Variants in BRWD3 observed in about 807,000 individuals in gnomAD.
The protein encoded by BRWD3 is bromodomain and WD repeat-containing protein 3.
Under a neutral mutation model 149.7 loss-of-function variants are expected in BRWD3, and 10 were observed. The ratio of observed to expected loss-of-function variants is 0.07; its 90% CI spans 0.04 to 0.11. The LOEUF is 0.11. Ranked by LOEUF, BRWD3 falls within the 10% of genes least tolerant of loss-of-function variation. The probability of loss-of-function intolerance (pLI) is 1.00; values close to 1 mark genes in which losing one functional copy is unlikely to be tolerated. For synonymous variants in BRWD3, 504 were observed against 456.7 expected (o/e 1.10, Z -1.32); for missense variants, 940 against 1,373.2 (o/e 0.68, Z 4.99).
Position 80,696,851 on chromosome X carries a change from C to A in BRWD3, c.2956G>T (p.Val986Phe). 1 of 1,199,254 alleles carries A rather than the reference C, an allele frequency of 8.3e-7. No homozygotes were observed. The highest frequency in any genetic ancestry group is 1.1e-6 in the Non-Finnish European group (1 of 884,540). ...NKMDLREQEF[V>F]KIVGIKYEVG... ...TCATATTTGATTCCTACAATCTTAACAAACTCTTGCTCCTATTCATGAGAA... is the reference window on the plus strand; with the variant it reads ...TCATATTTGATTCCTACAATCTTAAAAAACTCTTGCTCCTATTCATGAGAA... Residue 986 changes from valine to phenylalanine, a missense_variant, in exon 26 of 41, where the codon GTT becomes TTT. Coordinates refer to ENST00000373275, the MANE Select transcript of BRWD3 (RefSeq NM_153252.5).
At chrX:80,703,267 T>A (rs758813360) in intron 24 of BRWD3, among the ~76,000 whole-genome samples, 5 of 111,179 alleles carry the variant, frequency 4.5e-5, no homozygotes, top group African/African-American at 1.6e-4. Flanking sequence ...TCAATGAGCA[T>A]CTAATAGACT....
intron 27 of BRWD3, among the ~76,000 whole-genome samples, chrX:80,693,269 A>G (rs753418781): frequency 1.8e-5 from 2 of 112,151 alleles, no homozygotes; most frequent in Non-Finnish European, 3.8e-5. Flanking sequence ...ATTACATATG[A>G]CCACATCTTA....
At chrX:80,729,878 T>C (rs1177699426) in intron 13 of BRWD3, 38 bp downstream of exon 13, 1 of 903,681 alleles carries the variant, frequency 1.1e-6, no homozygotes, top group East Asian at 3.1e-5. Flanking sequence ...GTAAAATATA[T>C]CATGAGAACC....
Position 80,809,735 on chromosome X carries a change from GAAGAGA to G in BRWD3, c.-270_-265del, listed in dbSNP as rs1491000053. On this transcript the variant is annotated 5_prime_UTR_variant, in exon 1 of 41. Coordinates refer to ENST00000373275, the MANE Select transcript of BRWD3 (RefSeq NM_153252.5). Reference sequence around the variant, plus strand: ...AGTGAGTGAGTGAGAGAGAGAGAGAGAAGAGAGAGAGAGAGAGAGGAAAAAGAGAGA... The same window carrying G: ...AGTGAGTGAGTGAGAGAGAGAGAGAGGAGAGAGAGAGAGGAAAAAGAGAGA... 9.9e-5 allele frequency: 10 copies of G among 101,260 alleles called. No individual in the cohort carries two copies. The highest frequency in any genetic ancestry group is 4.9e-4 in the African/African-American group (10 of 20,332). The allele number at this position is 101,260 out of a possible 1,213,427, so 8.3% of individuals were successfully genotyped here.
intron 14 of BRWD3, 26 bp from the exon 15 acceptor site, chrX:80,725,093 T>C: frequency 8.3e-7 from 1 of 1,199,777 alleles, no homozygotes; most frequent in Non-Finnish European, 1.1e-6. Context: ...GTATTAACAA[T>C]GAAAGCAACA....
rs1340627104 is a variant in BRWD3, at chrX:80,713,191, A to G, written c.2325+2966T>C. 3.6e-5 allele frequency among the ~76,000 whole-genome samples: 4 copies of G among 110,935 alleles called. No individual in the cohort carries two copies. In the East Asian group the frequency reaches 8.7e-4, roughly 24 times the overall value. Reference sequence around the variant, plus strand: ...GGCCACCACCCCGTCTGGGAGGTGTACCCAACAGCTCATTGAGAACGGGCC... The same window carrying G: ...GGCCACCACCCCGTCTGGGAGGTGTGCCCAACAGCTCATTGAGAACGGGCC... On this transcript the variant is annotated intron_variant, in intron 20 of 40. Transcript: ENST00000373275.
intron 8 of BRWD3, among the ~76,000 whole-genome samples, chrX:80,740,583 CA>C (rs753502801): frequency 3.6e-5 from 4 of 110,803 alleles, no homozygotes; most frequent in African/African-American, 1.3e-4. Context: ...CCTGTCTCTA[CA>C]AAAAAAATAC....
intron 6 of BRWD3, among the ~76,000 whole-genome samples, chrX:80,772,628 TA>T (rs1214613066): frequency 9.1e-6 from 1 of 110,127 alleles, no homozygotes; most frequent in African/African-American, 3.3e-5. Context: ...TAAAAAAAAA[TA>T]AATGATCCTG....
Position 80,681,577 on chromosome X carries a change from A to G in BRWD3, c.4496-78T>C, listed in dbSNP as rs1260582362. 6 of 782,691 alleles carry G rather than the reference A, an allele frequency of 7.7e-6. No individual in the cohort carries two copies. In the Admixed American group the frequency reaches 1.3e-4, roughly 17 times the overall value. The allele number at this position is 782,691 out of a possible 1,213,427, so 64.5% of individuals were successfully genotyped here. Reference sequence around the variant, plus strand: ...GTTAAACAGGCTACTTTTTGAAACCATATCTCTGTTATTTTATTCTAACAC... The same window carrying G: ...GTTAAACAGGCTACTTTTTGAAACCGTATCTCTGTTATTTTATTCTAACAC... On this transcript the variant is annotated intron_variant, in intron 39 of 40. Transcript: ENST00000373275.
At chrX:80,763,763 C>T (rs1218001611) in intron 6 of BRWD3, among the ~76,000 whole-genome samples, 1 of 111,935 alleles carries the variant, frequency 8.9e-6, no homozygotes, top group Non-Finnish European at 1.9e-5. Context: ...ACATACTATA[C>T]TATGTTCATG....
rs1287428249 is a variant in BRWD3 at position 80,676,017 on chromosome X, T to C, written c.*592A>G. 1 of 109,663 alleles carries C rather than the reference T, an allele frequency of 9.1e-6. No individual in the cohort carries two copies. The allele number at this position is 109,663 out of a possible 1,213,427, so 9.0% of individuals were successfully genotyped here. A position where few individuals can be genotyped will look rare whatever the true frequency, so the allele number is the denominator to read the frequency against. The stretch of plus-strand genomic sequence containing the variant: ...CCCCCAAAAAACTGTAGTATAAATA[T>C]ATACTTCAGTTCAGTACAAGTCATG... On this transcript the variant is annotated 3_prime_UTR_variant, in exon 41 of 41. Coordinates refer to ENST00000373275, the MANE Select transcript of BRWD3 (RefSeq NM_153252.5).
At position 80,742,928 on chromosome X, in the gene BRWD3, C is replaced by A. The variant is rs187000573; in HGVS notation, c.813+1104G>T. Among the ~76,000 whole-genome samples the A allele has an allele frequency of 3.6e-3, 400 of 111,456 alleles. 2 individuals carry two copies. The highest frequency in any genetic ancestry group is 0.012 in the African/African-American group (373 of 30,592). The stretch of plus-strand genomic sequence containing the variant: ...ATTGCCCTGGCCAGAACTTCCAGCA[C>A]TATGTTGAATAGGAGTGGTGAGAGA... On this transcript the variant is annotated intron_variant, in intron 8 of 40. Coordinates refer to ENST00000373275, the MANE Select transcript of BRWD3 (RefSeq NM_153252.5).
At chrX:80,689,238 T>C (rs1026363837) in intron 33 of BRWD3, among the ~76,000 whole-genome samples, 8 of 111,124 alleles carry the variant, frequency 7.2e-5, no homozygotes, top group East Asian at 2.8e-4. Context: ...ATTAGAAACA[T>C]AGATGAGTGG....
chrX:80,759,466 A>C (rs1476276598), intron 6 of BRWD3, among the ~76,000 whole-genome samples: 1 of 112,085 alleles, frequency 8.9e-6, no homozygotes, highest in Non-Finnish European at 1.9e-5. Flanking sequence ...GTAGGTACTA[A>C]TCTACCTTGC....
At chrX:80,763,720 G>GA (rs905192597) in intron 6 of BRWD3, among the ~76,000 whole-genome samples, 1 of 111,061 alleles carries the variant, frequency 9.0e-6, no homozygotes, top group African/African-American at 3.3e-5. Flanking sequence ...AAATGGTGAA[G>GA]AAAAAAAATC....
At chrX:80,792,240 T>C (rs1433276018) in intron 5 of BRWD3, among the ~76,000 whole-genome samples, 3 of 112,286 alleles carry the variant, frequency 2.7e-5, no homozygotes, top group African/African-American at 9.7e-5. Context: ...CACAGATTAA[T>C]AAGCTTTAAA....
At chrX:80,689,198 T>C (rs1230299019) in intron 33 of BRWD3, among the ~76,000 whole-genome samples, 1 of 111,335 alleles carries the variant, frequency 9.0e-6, no homozygotes, top group Non-Finnish European at 1.9e-5. Flanking sequence ...GTTTCTATCA[T>C]AACCTCCAGT....
intron 7 of BRWD3, among the ~76,000 whole-genome samples, chrX:80,745,149 A>C (rs2073572940): frequency 9.0e-6 from 1 of 111,442 alleles, no homozygotes; most frequent in African/African-American, 3.3e-5. Context: ...AAATAGCTAT[A>C]ATCTTCATCA....
chrX:80,803,251 A>C (rs990823417), intron 4 of BRWD3, among the ~76,000 whole-genome samples: 3 of 111,886 alleles, frequency 2.7e-5, no homozygotes, highest in Non-Finnish European at 5.6e-5. Flanking sequence ...ATCAGTAGTA[A>C]AACAAAAACT....
Sources: gnomAD v4.1 joint callset for allele counts (sites outside exome capture counted in the v4.1 genomes callset) on GRCh38, gnomAD v4.1.1 for gene constraint, MANE v1.5 for transcripts, NCBI Gene and HGNC (gene_info 2026-07-23, HGNC 2026-07-21) for gene names.